The following CREG2 variants were observed in gnomAD, a reference collection of about 807,000 sequenced individuals.
CREG2 encodes protein CREG2.
Under a neutral mutation model 26.2 loss-of-function variants are expected in CREG2, and 24 were observed. The ratio of observed to expected loss-of-function variants is 0.92; its 90% CI spans 0.66 to 1.29. The LOEUF (loss-of-function observed/expected upper bound fraction) is 1.29. Ranked by LOEUF, CREG2 falls within the 50% of genes most tolerant of loss-of-function variation. The probability of loss-of-function intolerance (pLI) is 0.00; values close to 1 mark genes in which losing one functional copy is unlikely to be tolerated. For missense variants in CREG2, 366 were observed against 398.6 expected (o/e 0.92, Z 0.70); for synonymous variants, 174 against 169.2 (o/e 1.03, Z -0.22).
chr2:101,366,197 C>T (rs1191475226), intron 2 of CREG2, among the ~76,000 whole-genome samples: 1 of 152,162 alleles, frequency 6.6e-6, no homozygotes, highest in African/African-American at 2.4e-5. Context: ...GCCACTTCTT[C>T]CTACTCTTAG....
chr2:101,361,956 A>T (rs902444913), intron 2 of CREG2, among the ~76,000 whole-genome samples: 1 of 152,142 alleles, frequency 6.6e-6, no homozygotes, highest in Non-Finnish European at 1.5e-5. Flanking sequence ...AACAGATCTC[A>T]TCTATTGTTG....
At chr2:101,355,143 C>T in intron 3 of CREG2, 110 bp downstream of exon 3, 1 of 709,606 alleles carries the variant, frequency 1.4e-6, no homozygotes, top group Non-Finnish European at 2.5e-6. Context: ...CACCGAAGGG[C>T]AGTGGAGACC....
Position 101,350,709 on chromosome 2 carries a change from G to A in CREG2, c.*214C>T, listed in dbSNP as rs551193086. Reference sequence around the variant, plus strand: ...ATACAATGGAATAAAGACTATCTACGTGAAGTATCTGTGTGAGTTGGAGAT... The same window carrying A: ...ATACAATGGAATAAAGACTATCTACATGAAGTATCTGTGTGAGTTGGAGAT... On this transcript the variant is annotated 3_prime_UTR_variant, in exon 4 of 4. Coordinates refer to ENST00000324768, the MANE Select transcript of CREG2 (RefSeq NM_153836.4). 4 of 540,784 alleles carry A rather than the reference G, an allele frequency of 7.4e-6. No individual in the cohort carries two copies. The highest frequency in any genetic ancestry group is 2.6e-5 in the South Asian group (1 of 37,892). 33.5% of individuals were successfully genotyped at this position (540,784 alleles called of 1,614,324 possible).
chr2:101,384,487 G>T (rs936354743), intron 1 of CREG2, among the ~76,000 whole-genome samples: 9 of 152,086 alleles, frequency 5.9e-5, no homozygotes, highest in Non-Finnish European at 1.2e-4. Flanking sequence ...GGGTCATGGG[G>T]GTGGATCCCT....
At chr2:101,384,874 T>TAAAA (rs1343646977) in intron 1 of CREG2, among the ~76,000 whole-genome samples, 1 of 151,834 alleles carries the variant, frequency 6.6e-6, no homozygotes, top group Non-Finnish European at 1.5e-5. Context: ...AATAAATAAA[T>TAAAA]AAAAATAAAA....
intron 1 of CREG2, among the ~76,000 whole-genome samples, chr2:101,384,003 A>T (rs768915670): frequency 2.6e-5 from 4 of 152,254 alleles, no homozygotes; most frequent in Admixed American, 6.5e-5. Flanking sequence ...CACTTTGTTA[A>T]ATTTCATGTT....
chr2:101,353,967 G>A (rs959539407), intron 3 of CREG2, among the ~76,000 whole-genome samples: 2 of 152,122 alleles, frequency 1.3e-5, no homozygotes, highest in Admixed American at 6.6e-5. Context: ...GGCCTGTCGG[G>A]GGGTGGAGGC....
rs1196268010 is a variant in CREG2, at chr2:101,345,653, T to G, written c.*5270A>C. On this transcript the variant is annotated 3_prime_UTR_variant, in exon 4 of 4. Coordinates refer to ENST00000324768, the MANE Select transcript of CREG2 (RefSeq NM_153836.4). ...TTGAAAACAGATTTTACATTTTACA[T>G]GCATTACATGGCACAAATAATCACA... 6.6e-6 allele frequency: 1 copy of G among 152,236 alleles called. No individual in the cohort carries two copies. Among genetic ancestry groups the G allele is most frequent in the Non-Finnish European group, 1.5e-5 (1 of 68,046 alleles). 9.4% of individuals were successfully genotyped at this position (152,236 alleles called of 1,614,324 possible).
At chr2:101,372,115 C>T (rs191849299) in intron 2 of CREG2, among the ~76,000 whole-genome samples, 51 of 152,210 alleles carry the variant, frequency 3.4e-4, no homozygotes, top group Admixed American at 2.9e-3. Flanking sequence ...ATGGCAGCCA[C>T]GCTGTGGAAC....
chr2:101,357,135 C>T (rs533800769), intron 2 of CREG2, among the ~76,000 whole-genome samples: 8 of 152,198 alleles, frequency 5.3e-5, no homozygotes, highest in Non-Finnish European at 8.8e-5. Flanking sequence ...GATTCGCCCG[C>T]CTCAGCCTCC....
rs1684325877 is a variant in CREG2, at chr2:101,347,703, A to T, written c.*3220T>A. 6.6e-6 allele frequency: 1 copy of T among 151,942 alleles called. No individual in the cohort carries two copies. Among genetic ancestry groups the T allele is most frequent in the African/African-American group, 2.4e-5 (1 of 41,346 alleles). The allele number at this position is 151,942 out of a possible 1,614,324, so 9.4% of individuals were successfully genotyped here. A position where few individuals can be genotyped will look rare whatever the true frequency, so the allele number is the denominator to read the frequency against. On this transcript the variant is annotated 3_prime_UTR_variant, in exon 4 of 4. Coordinates refer to ENST00000324768, the MANE Select transcript of CREG2 (RefSeq NM_153836.4). ...AGCTGTTGAGTTTTGACAGTTCTTT[A>T]TATATTCTAGATACTAATCTTTTGT...
chr2:101,351,138 T>C, intron 3 of CREG2, 68 bp from the exon 4 acceptor site: 2 of 1,512,626 alleles, frequency 1.3e-6, no homozygotes, highest in Admixed American at 2.0e-5. Context: ...GGCCAAGTCA[T>C]AGGACCTCCA....
intron 2 of CREG2, among the ~76,000 whole-genome samples, chr2:101,359,586 TAAC>T (rs1684511156): frequency 6.6e-6 from 1 of 152,126 alleles, no homozygotes; most frequent in South Asian, 2.1e-4. Context: ...GAGAGACAGT[TAAC>T]AACCACCTGA....
At chr2:101,351,765 T>G (rs1481862405) in intron 3 of CREG2, among the ~76,000 whole-genome samples, 1 of 152,144 alleles carries the variant, frequency 6.6e-6, no homozygotes, top group Non-Finnish European at 1.5e-5. Context: ...TTTTTTTAAC[T>G]TCATAAAAAT....
chr2:101,360,367 A>G (rs1360116849), intron 2 of CREG2, among the ~76,000 whole-genome samples: 1 of 152,204 alleles, frequency 6.6e-6, no homozygotes, highest in Non-Finnish European at 1.5e-5. Context: ...ATAAATCTCA[A>G]CTGATTGAGA....
intron 2 of CREG2, among the ~76,000 whole-genome samples, chr2:101,376,283 CTTTTT>C (rs11325970): frequency 6.8e-6 from 1 of 146,648 alleles, no homozygotes; most frequent in Admixed American, 6.8e-5. Flanking sequence ...TTTTCTTTTT[CTTTTT>C]TTTTTTTAAC....
At chr2:101,369,367 G>A (rs1684668867) in intron 2 of CREG2, among the ~76,000 whole-genome samples, 1 of 152,170 alleles carries the variant, frequency 6.6e-6, no homozygotes, top group Non-Finnish European at 1.5e-5. Flanking sequence ...AGTCTGCCAT[G>A]CAGACAGGGA....
intron 3 of CREG2, among the ~76,000 whole-genome samples, chr2:101,352,669 G>A (rs1463244137): frequency 6.6e-6 from 1 of 152,178 alleles, no homozygotes; most frequent in Non-Finnish European, 1.5e-5. Flanking sequence ...TTAGCCAGCC[G>A]TGGTGGTGCA....
At chr2:101,382,906 G>A in intron 2 of CREG2, 3 of 985,724 alleles carry the variant, frequency 3.0e-6, no homozygotes, top group Non-Finnish European at 3.6e-6. Flanking sequence ...TCCCACACCA[G>A]CTCCATGCAG....
Sources: gnomAD v4.1 joint callset for allele counts (sites outside exome capture counted in the v4.1 genomes callset) on GRCh38, gnomAD v4.1.1 for gene constraint, MANE v1.5 for transcripts, NCBI Gene and HGNC (gene_info 2026-07-23, HGNC 2026-07-21) for gene names.